The following RBM22 variants were observed in gnomAD, a reference collection of about 807,000 sequenced individuals.
The protein encoded by RBM22 is RNA binding motif protein 22.
RBM22 carries 1 observed loss-of-function variant against 50.1 expected under a neutral mutation model. That is an observed-to-expected ratio of 0.02 (90% CI 0.01 to 0.09). RBM22 has a LOEUF of 0.09. Among genes scored for constraint, RBM22 ranks in the 10% least tolerant of loss-of-function variants. RBM22 has a pLI of 1.00. For missense variants in RBM22, 264 were observed against 529.3 expected, an observed-to-expected ratio of 0.50 and a Z score of 4.92; for synonymous variants, 152 against 179.0, an observed-to-expected ratio of 0.85 and a Z score of 1.20.
chr5:150,692,008 GTCAGT>G, intron 10 of RBM22, 127 bp from the exon 11 acceptor site: 9 of 1,078,824 alleles, frequency 8.3e-6, no homozygotes, highest in Non-Finnish European at 1.1e-5. Flanking sequence ...TTAAGCAAAT[GTCAGT>G]TCACAAACTT....
At chr5:150,693,993 C>G (rs1561677987) in intron 8 of RBM22, 83 bp downstream of exon 8, 2 of 1,517,690 alleles carry the variant, frequency 1.3e-6, no homozygotes, top group Non-Finnish European at 1.8e-6. Context: ...GCCTGTTAAC[C>G]AAAAGCCTAC....
chr5:150,700,804 C>T, intron 1 of RBM22, 128 bp downstream of exon 1: 4 of 1,589,384 alleles, frequency 2.5e-6, no homozygotes, highest in Non-Finnish European at 3.4e-6. Context: ...CCTGCTCCGG[C>T]CAAGCTAGGC....
Position 150,696,720 on chromosome 5 carries a change from C to G in RBM22, c.373-15G>C. On this transcript the variant is annotated splice_polypyrimidine_tract_variant and intron_variant, in intron 5 of 10. Coordinates refer to ENST00000199814, the MANE Select transcript of RBM22 (RefSeq NM_018047.3). The surrounding 1 kb of genome is among the most constrained non-coding windows in gnomAD (Gnocchi z 4.3). ...GAGTTAGAAATCTAAGTGGGGATGA[C>G]AAATTCAAAAGATAAATTATACAGA... The G allele has an allele frequency of 6.2e-7, 1 of 1,613,984 alleles. No individual in the cohort carries two copies. The highest frequency in any genetic ancestry group is 8.5e-7 in the Non-Finnish European group (1 of 1,179,918).
At chr5:150,692,112 ATC>A (rs1478339787) in intron 10 of RBM22, among the ~76,000 whole-genome samples, 1 of 152,170 alleles carries the variant, frequency 6.6e-6, no homozygotes, top group Non-Finnish European at 1.5e-5. Context: ...CTAGTATGTC[ATC>A]TGAGTCTCTG....
rs1166107747 is a variant in RBM22 at position 150,691,049 on chromosome 5, T to C, written c.*702A>G. 6.6e-6 allele frequency: 1 copy of C among 152,356 alleles called. No individual in the cohort carries two copies. The highest frequency in any genetic ancestry group is 1.5e-5 in the Non-Finnish European group (1 of 68,034). 9.4% of individuals were successfully genotyped at this position (152,356 alleles called of 1,614,324 possible). ...TTTTACAGGAAGTTCTTTACAGTAA[T>C]TTCATGCCAGACACCAGGTTTCTTC... On this transcript the variant is annotated 3_prime_UTR_variant, in exon 11 of 11. Transcript: ENST00000199814.
rs1759305345 is a variant in RBM22, at chr5:150,698,443, A to T, written c.271+56T>A. 8 of 1,585,100 alleles carry T rather than the reference A, an allele frequency of 5.0e-6. No homozygotes were observed. In the South Asian group the frequency reaches 9.1e-5, roughly 18 times the overall value. On this transcript the variant is annotated intron_variant, in intron 4 of 10. Transcript: ENST00000199814. ...GTGCGAAGTGGGAGACAAAAGACTGACTTGTAGTTTTAGGCACCTGCACAC... is the reference window on the plus strand; with the variant it reads ...GTGCGAAGTGGGAGACAAAAGACTGTCTTGTAGTTTTAGGCACCTGCACAC...
At chr5:150,698,725 T>G (rs909583778) in intron 3 of RBM22, 94 bp from the exon 4 acceptor site, 2 of 1,473,822 alleles carry the variant, frequency 1.4e-6, no homozygotes, top group Non-Finnish European at 1.8e-6. Context: ...AAAGGATCCC[T>G]GAATGTAGGA....
At chr5:150,693,172 A>T in intron 9 of RBM22, 47 bp downstream of exon 9, 1 of 1,577,350 alleles carries the variant, frequency 6.3e-7, no homozygotes, top group South Asian at 1.1e-5. Flanking sequence ...AAATAGGAAC[A>T]TCAGGGCAGA....
At chr5:150,698,657 A>G in intron 3 of RBM22, 26 bp from the exon 4 acceptor site, 4 of 1,612,960 alleles carry the variant, frequency 2.5e-6, no homozygotes, top group Non-Finnish European at 1.7e-6. Context: ...AGAGCCATAG[A>G]ATGTCAATGG....
At position 150,698,616 on chromosome 5, in the gene RBM22, A is replaced by G; in HGVS notation, c.154T>C (p.Phe52Leu). The change falls in exon 4 of 11, where the codon TTC (phenylalanine) becomes CTC (leucine). Residue 52 changes from phenylalanine (F) to leucine (L), a missense_variant. By Grantham distance (22) the Phe-to-Leu change is conservative. Around this residue, in one of 7 missense-constraint regions of RBM22, gnomAD observed 15 missense variants for 99.4 expected, o/e 0.15. Coordinates refer to ENST00000199814, the MANE Select transcript of RBM22 (RefSeq NM_018047.3). Reference sequence around the variant, plus strand: ...CCAGGGCACCAGCGAAACACTGTGAATGGCCTGGCACAGATCTGGAACACA... The same window carrying G: ...CCAGGGCACCAGCGAAACACTGTGAGTGGCCTGGCACAGATCTGGAACACA... ...GKECKICARP[F>L]TVFRWCPGVR... The G allele has an allele frequency of 6.2e-7, 1 of 1,614,120 alleles. No individual in the cohort carries two copies. Among genetic ancestry groups the G allele is most frequent in the Non-Finnish European group, 8.5e-7 (1 of 1,180,026 alleles).
Position 150,699,228 on chromosome 5 carries a change from A to G in RBM22, c.138+14T>C. 1 of 1,586,116 alleles carries G rather than the reference A, an allele frequency of 6.3e-7. No individual in the cohort carries two copies. The highest frequency in any genetic ancestry group is 8.6e-7 in the Non-Finnish European group (1 of 1,168,396). The stretch of plus-strand genomic sequence containing the variant: ...ATGAAACAGAAATCATTACTCTTTA[A>G]CAGACATACTTACTTTGCATTCCTT... On this transcript the variant is annotated intron_variant, in intron 3 of 10. Transcript: ENST00000199814.
At chr5:150,698,923 T>C (rs181228236) in intron 3 of RBM22, among the ~76,000 whole-genome samples, 1 of 152,270 alleles carries the variant, frequency 6.6e-6, no homozygotes, top group Admixed American at 6.5e-5. Flanking sequence ...GGGAGTGTCA[T>C]GTAATTTTTT....
rs753546771 is a variant in RBM22 at position 150,696,430 on chromosome 5, T to C, written c.545+103A>G. 78 of 1,269,820 alleles carry C rather than the reference T, an allele frequency of 6.1e-5. No homozygotes were observed. The highest frequency in any genetic ancestry group is 8.1e-5 in the Non-Finnish European group (74 of 912,118). 78.7% of individuals were successfully genotyped at this position (1,269,820 alleles called of 1,614,324 possible). A position where few individuals can be genotyped will look rare whatever the true frequency, so the allele number is the denominator to read the frequency against. ...CATGAGGTATACCACATTAGTTGTA[T>C]GACCTTTAGATTTTAAAGCAGAAAC... On this transcript the variant is annotated intron_variant, in intron 6 of 10. Transcript: ENST00000199814. The surrounding 1 kb of genome is among the most constrained non-coding windows in gnomAD (Gnocchi z 4.3).
chr5:150,694,021 A>T, intron 8 of RBM22, 55 bp downstream of exon 8: 2 of 1,582,730 alleles, frequency 1.3e-6, no homozygotes, highest in Non-Finnish European at 8.6e-7. Flanking sequence ...CAGAAAATGA[A>T]ATAGTTTCTT....
At chr5:150,699,414 CA>C in intron 2 of RBM22, 143 bp from the exon 3 acceptor site, 3 of 1,136,926 alleles carry the variant, frequency 2.6e-6, no homozygotes, top group Non-Finnish European at 3.6e-6. Context: ...CAACAAAACC[CA>C]AAACCCAACC....
chr5:150,693,304 G>T lies in RBM22; in HGVS notation c.915C>A (p.Ser305=), dbSNP rs1379558399. The change falls in exon 9 of 11, where the codon TCC becomes TCA. Residue 305 remains serine (S), a synonymous_variant. Coordinates refer to ENST00000199814, the MANE Select transcript of RBM22 (RefSeq NM_018047.3). The part of the protein sequence containing the change: ...GRRLNVKWGR[S]QAARGKEKEK... ...CTTTTTCTTTTCCTCTGGCTGCCTG[G>T]GATCTGGGAAACACACATGCATACA... 6.2e-7 allele frequency: 1 copy of T among 1,612,534 alleles called. No individual in the cohort carries two copies. Among genetic ancestry groups the T allele is most frequent in the Admixed American group, 1.7e-5 (1 of 59,986 alleles).
At chr5:150,700,374 C>T (rs1759330061) in intron 2 of RBM22, 70 bp downstream of exon 2, 2 of 1,443,958 alleles carry the variant, frequency 1.4e-6, no homozygotes, top group South Asian at 1.2e-5. Flanking sequence ...CTAAGAGAAA[C>T]ACTTCACAGT....
In RBM22 at chr5:150,699,765, G is replaced by A. The variant is rs1224874809; in HGVS notation, c.109-494C>T. ...TGCTTTCCACAATCCCTAAATCAGA[G>A]AGGATACAGCTGTGGCCCGCCCACT... On this transcript the variant is annotated intron_variant, in intron 2 of 10. Coordinates refer to ENST00000199814, the MANE Select transcript of RBM22 (RefSeq NM_018047.3). Among the ~76,000 whole-genome samples, 3 of 152,196 alleles carry A rather than the reference G, an allele frequency of 2.0e-5. No homozygotes were observed. The East Asian group carries it at 5.8e-4, about 29-fold the overall frequency.
At position 150,698,596 on chromosome 5, in the gene RBM22, G is replaced by A. The variant is rs1759306727; in HGVS notation, c.174C>T (p.Cys58=). The change falls in exon 4 of 11, where the codon TGC becomes TGT. Residue 58 remains cysteine, a synonymous_variant. Coordinates refer to ENST00000199814, the MANE Select transcript of RBM22 (RefSeq NM_018047.3). ...CARPFTVFRW[C]PGVRMRFKKT... ...TCTTGAAACGCATGCGGACTCCAGG[G>A]CACCAGCGAAACACTGTGAATGGCC... 2.5e-6 allele frequency: 4 copies of A among 1,614,052 alleles called. No homozygotes were observed. The highest frequency in any genetic ancestry group is 2.7e-5 in the African/African-American group (2 of 75,000).
Sources: allele counts gnomAD v4.1 joint callset (sites outside exome capture counted in the v4.1 genomes callset), GRCh38; gene constraint gnomAD v4.1.1; regional missense constraint gnomAD v4.1.1; non-coding constraint Gnocchi (gnomAD v3.1); transcripts MANE v1.5; gene names NCBI Gene and HGNC (gene_info 2026-07-23, HGNC 2026-07-21).